The following PAICS variants were observed in gnomAD, a reference collection of about 807,000 sequenced individuals.
PAICS encodes phosphoribosylaminoimidazole carboxylase and phosphoribosylaminoimidazolesuccinocarboxamide synthase, also known as bifunctional phosphoribosylaminoimidazole carboxylase/phosphoribosylaminoimidazole succinocarboxamide synthetase.
In PAICS, 33 loss-of-function variants were observed where a neutral mutation model predicts 53.7. The observed-to-expected ratio is 0.61, with a 90% CI of 0.47 to 0.82. PAICS has a LOEUF of 0.82. Ranked by LOEUF, PAICS falls within the 40% of genes least tolerant of loss-of-function variation. The pLI, the probability that PAICS is intolerant of heterozygous loss-of-function variation, is 0.00. For synonymous variants in PAICS, 141 were observed against 167.2 expected (o/e 0.84, Z 1.21); for missense variants, 394 against 494.1 (o/e 0.80, Z 1.92).
chr4:56,435,512 T>A (rs1490470385), upstream of PAICS: 1 of 1,612,480 alleles, frequency 6.2e-7, no homozygotes, highest in Non-Finnish European at 8.5e-7. Flanking sequence ...GACCTGCCGC[T>A]GCGGCCAAGG....
At chr4:56,433,781 G>A (rs568825135), upstream of PAICS, among the ~76,000 whole-genome samples, 1 of 151,608 alleles carries the variant, frequency 6.6e-6, no homozygotes, top group East Asian at 1.9e-4. Flanking sequence ...TGGAACCTAA[G>A]CCTCCCGGGT....
At chr4:56,436,113 T>C, upstream of PAICS, 1 of 1,453,684 alleles carries the variant, frequency 6.9e-7, no homozygotes, top group Non-Finnish European at 9.1e-7. Flanking sequence ...CAGTGGGGCG[T>C]TGTTTCGTCC....
In PAICS at chr4:56,459,364, A is replaced by G; in HGVS notation, c.1112-8A>G. On this transcript the variant is annotated splice_region_variant and splice_polypyrimidine_tract_variant and intron_variant, in intron 8 of 8. Transcript: ENST00000512576. ...CAATTTTCTGTCTTTTCCTTGCTGAACCAATAGGTCTTGGCTGTTCAACCG... is the reference window on the plus strand; with the variant it reads ...CAATTTTCTGTCTTTTCCTTGCTGAGCCAATAGGTCTTGGCTGTTCAACCG... The G allele has an allele frequency of 6.5e-7, 1 of 1,528,178 alleles. No individual in the cohort carries two copies. The highest frequency in any genetic ancestry group is 1.3e-5 in the South Asian group (1 of 78,970). The allele number at this position is 1,528,178 out of a possible 1,614,324, so 94.7% of individuals were successfully genotyped here.
At chr4:56,431,145 G>C (rs571267990), upstream of PAICS, among the ~76,000 whole-genome samples, 2 of 152,282 alleles carry the variant, frequency 1.3e-5, no homozygotes, top group South Asian at 4.1e-4. Flanking sequence ...ACTTGACTCA[G>C]ATAAAGGTTA....
chr4:56,455,333 A>T (rs971583831), intron 8 of PAICS, among the ~76,000 whole-genome samples: 2 of 152,146 alleles, frequency 1.3e-5, no homozygotes, highest in Non-Finnish European at 2.9e-5. Context: ...AAAATCCCTA[A>T]CTTTTCTCAT....
intron 6 of PAICS, among the ~76,000 whole-genome samples, chr4:56,451,498 A>G (rs1718915265): frequency 6.6e-6 from 1 of 152,206 alleles, no homozygotes; most frequent in Non-Finnish European, 1.5e-5. Flanking sequence ...ACTTACAAAG[A>G]CTTAGAACAT....
chr4:56,463,231 G>A lies in PAICS; in HGVS notation c.*3693G>A, dbSNP rs1271799499. The A allele has an allele frequency of 6.6e-6, 1 of 152,018 alleles. No homozygotes were observed. The highest frequency in any genetic ancestry group is 1.5e-5 in the Non-Finnish European group (1 of 68,022). 9.4% of individuals were successfully genotyped at this position (152,018 alleles called of 1,614,324 possible). A position where few individuals can be genotyped will look rare whatever the true frequency, so the allele number is the denominator to read the frequency against. On this transcript the variant is annotated 3_prime_UTR_variant, in exon 9 of 9. Coordinates refer to ENST00000512576, the MANE Select transcript of PAICS (RefSeq NM_001079524.2). Reference sequence around the variant, plus strand: ...GTGGAATTGTTAATCTCACATTGCAGTACAATGAAAATAGTGGAATGGAAA... The same window carrying A: ...GTGGAATTGTTAATCTCACATTGCAATACAATGAAAATAGTGGAATGGAAA...
chr4:56,417,835 GTTTTTTGT>G, the PAICS span, among the ~76,000 whole-genome samples: 43 of 102,530 alleles, frequency 4.2e-4, 2 homozygotes, highest in African/African-American at 1.5e-3. Context: ...TGAAGATTTG[GTTTTTTGT>G]TTTTTTTTTT....
chr4:56,443,498 A>G (rs1718442290), intron 2 of PAICS, among the ~76,000 whole-genome samples: 1 of 147,882 alleles, frequency 6.8e-6, no homozygotes, highest in South Asian at 2.1e-4. Context: ...TGTTCCATCG[A>G]TTTTTTTTTT....
chr4:56,431,733 A>G (rs1306092974), upstream of PAICS, among the ~76,000 whole-genome samples: 1 of 152,228 alleles, frequency 6.6e-6, no homozygotes, highest in African/African-American at 2.4e-5. Flanking sequence ...GGAATCTTCA[A>G]ATATGTCCAG....
chr4:56,435,923 G>C, upstream of PAICS: 1 of 1,482,684 alleles, frequency 6.7e-7, no homozygotes, highest in African/African-American at 1.4e-5. Flanking sequence ...AGGCCGTCAA[G>C]ACTTGGTACG....
chr4:56,426,572 C>T, the PAICS span, among the ~76,000 whole-genome samples: 42 of 152,262 alleles, frequency 2.8e-4, no homozygotes, highest in Admixed American at 1.6e-3. Flanking sequence ...TTTTGTTTCA[C>T]GGTTCATCCA....
At chr4:56,435,514 C>T, upstream of PAICS, 4 of 1,612,332 alleles carry the variant, frequency 2.5e-6, no homozygotes, top group South Asian at 2.2e-5. Context: ...CCTGCCGCTG[C>T]GGCCAAGGTG....
At chr4:56,441,898 C>G (rs762208515) in intron 2 of PAICS, 38 bp downstream of exon 2, 13 of 1,368,002 alleles carry the variant, frequency 9.5e-6, no homozygotes, top group Non-Finnish European at 1.3e-5. Flanking sequence ...CTCACCTTCT[C>G]TGGTAAGCAT....
At chr4:56,435,312 G>C (rs776938734), upstream of PAICS, 1 of 1,611,086 alleles carries the variant, frequency 6.2e-7, no homozygotes, top group Non-Finnish European at 8.5e-7. Context: ...CCGAGAGATG[G>C]AGACGCACGC....
chr4:56,445,806 C>G (rs983009557), intron 2 of PAICS, among the ~76,000 whole-genome samples: 4 of 152,234 alleles, frequency 2.6e-5, no homozygotes, highest in Non-Finnish European at 5.9e-5. Context: ...TGAAAATAAG[C>G]ATTATCTCAA....
intron 8 of PAICS, among the ~76,000 whole-genome samples, chr4:56,458,842 T>C (rs1388334253): frequency 6.6e-6 from 1 of 152,220 alleles, no homozygotes; most frequent in East Asian, 1.9e-4. Context: ...TCTGCTGTCT[T>C]GGATCTTATT....
chr4:56,418,549 G>C, the PAICS span, among the ~76,000 whole-genome samples: 1 of 151,942 alleles, frequency 6.6e-6, no homozygotes, highest in East Asian at 1.9e-4. Context: ...CAACTCCTGA[G>C]CTCAGGCAAT....
At chr4:56,436,438 C>T (rs756310851) in intron 1 of PAICS, 110 bp downstream of exon 1, 63 of 947,100 alleles carry the variant, frequency 6.7e-5, no homozygotes, top group Admixed American at 2.6e-4. Context: ...AGCAGCGCCT[C>T]TAGGCAGCCG....
Sources: gnomAD v4.1 joint callset for allele counts (sites outside exome capture counted in the v4.1 genomes callset) on GRCh38, gnomAD v4.1.1 for gene constraint, MANE v1.5 for transcripts, NCBI Gene and HGNC (gene_info 2026-07-23, HGNC 2026-07-21) for gene names.